Variants in ATRNL1 observed in about 807,000 individuals in gnomAD.
The protein encoded by ATRNL1 is attractin like 1.
A neutral mutation model predicts 182.7 loss-of-function variants in ATRNL1; 95 were observed. The observed-to-expected ratio is 0.52, with a 90% CI of 0.44 to 0.62. The LOEUF (loss-of-function observed/expected upper bound fraction) is 0.62. Ranked by LOEUF, ATRNL1 falls within the 20% of genes least tolerant of loss-of-function variation. The pLI is 0.00. For synonymous variants in ATRNL1, 576 were observed against 568.3 expected, an observed-to-expected ratio of 1.01 and a Z score of -0.19; for missense variants, 1,471 against 1,679.5, an observed-to-expected ratio of 0.88 and a Z score of 2.17.
intron 5 of ATRNL1, among the ~76,000 whole-genome samples, chr10:115,155,440 G>A (rs1442602573): frequency 1.3e-5 from 2 of 151,868 alleles, no homozygotes; most frequent in African/African-American, 4.8e-5. Context: ...ATTTTACTTA[G>A]AATCTCATTT....
At chr10:115,247,310 G>A (rs1850686033) in intron 10 of ATRNL1, among the ~76,000 whole-genome samples, 1 of 151,828 alleles carries the variant, frequency 6.6e-6, no homozygotes, top group African/African-American at 2.4e-5. Flanking sequence ...AATTCTCAAT[G>A]ATAAAAAAAA....
intron 5 of ATRNL1, among the ~76,000 whole-genome samples, chr10:115,157,792 A>G (rs1434096559): frequency 1.3e-5 from 2 of 152,140 alleles, no homozygotes; most frequent in African/African-American, 4.8e-5. Flanking sequence ...CTGGTGGTTA[A>G]GACCTGGATA....
At chr10:115,453,690 C>T (rs924204800) in intron 21 of ATRNL1, among the ~76,000 whole-genome samples, 2 of 150,880 alleles carry the variant, frequency 1.3e-5, no homozygotes, top group East Asian at 2.0e-4. Flanking sequence ...AGTAAACTAT[C>T]GCGAGGACAA....
At chr10:115,688,969 T>G (rs1946306954) in intron 26 of ATRNL1, among the ~76,000 whole-genome samples, 2 of 152,194 alleles carry the variant, frequency 1.3e-5, no homozygotes, top group Non-Finnish European at 2.9e-5. Context: ...TTGAGTTTAC[T>G]TTTGTGTATG....
intron 8 of ATRNL1, among the ~76,000 whole-genome samples, chr10:115,187,649 A>G (rs1432912592): frequency 6.8e-6 from 1 of 147,956 alleles, no homozygotes; most frequent in Non-Finnish European, 1.5e-5. Context: ...ATGGTTATGT[A>G]TAATAGAAAG....
intron 9 of ATRNL1, 99 bp from the exon 10 acceptor site, chr10:115,241,472 G>A (rs1850419069): frequency 1.5e-6 from 1 of 676,104 alleles, no homozygotes; most frequent in African/African-American, 1.8e-5. Context: ...ACAATTCCAG[G>A]GAAACCTCTA....
At chr10:115,932,564 T>G (rs1415721622) in intron 28 of ATRNL1, among the ~76,000 whole-genome samples, 1 of 152,200 alleles carries the variant, frequency 6.6e-6, no homozygotes, top group Non-Finnish European at 1.5e-5. Context: ...AAGTGAGTGT[T>G]TGCATAATTT....
intron 26 of ATRNL1, among the ~76,000 whole-genome samples, chr10:115,607,178 A>G (rs1856916694): frequency 6.6e-6 from 1 of 151,952 alleles, no homozygotes; most frequent in South Asian, 2.1e-4. Context: ...ATGTATATTA[A>G]AATTTAAAGA....
At chr10:115,553,531 A>G (rs1853125923) in intron 26 of ATRNL1, among the ~76,000 whole-genome samples, 1 of 151,414 alleles carries the variant, frequency 6.6e-6, no homozygotes, top group Admixed American at 6.6e-5. Flanking sequence ...TTTGGAGGAT[A>G]AGACATGCCC....
intron 26 of ATRNL1, among the ~76,000 whole-genome samples, chr10:115,624,273 T>A (rs1312286582): frequency 8.5e-5 from 13 of 152,056 alleles, no homozygotes; most frequent in South Asian, 4.1e-4. Flanking sequence ...TAATTATGCC[T>A]CCTAAAATAC....
intron 26 of ATRNL1, among the ~76,000 whole-genome samples, chr10:115,563,815 A>T (rs1853911010): frequency 6.6e-6 from 1 of 152,236 alleles, no homozygotes; most frequent in East Asian, 1.9e-4. Context: ...AATAGGTAAT[A>T]TATTGAATGA....
At chr10:115,861,286 C>T (rs1300173683) in intron 28 of ATRNL1, among the ~76,000 whole-genome samples, 2 of 152,106 alleles carry the variant, frequency 1.3e-5, no homozygotes, top group Admixed American at 1.3e-4. Context: ...TGTCTCCGTC[C>T]CACCCAGGCG....
At chr10:115,566,541 A>G (rs1229941465) in intron 26 of ATRNL1, among the ~76,000 whole-genome samples, 3 of 152,166 alleles carry the variant, frequency 2.0e-5, no homozygotes, top group Non-Finnish European at 4.4e-5. Flanking sequence ...ATCTAATTAA[A>G]ATGCACTATT....
rs71010016 is a variant in ATRNL1, at chr10:115,350,346, G to GAAAAAAAAA, written c.3175+15937_3175+15945dup. On this transcript the variant is annotated intron_variant, in intron 19 of 28. Transcript: ENST00000355044. ...CAAGACTCTGTCTCAAAAAAAAAAA[G>GAAAAAAAAA]AAAAAAAAAAAAAAAAAAGAATTTC... 1.2e-4 allele frequency among the ~76,000 whole-genome samples: 8 copies of GAAAAAAAAA among 66,376 alleles called. 2 individuals carry two copies. Among genetic ancestry groups the GAAAAAAAAA allele is most frequent in the African/African-American group, 1.2e-4 (2 of 16,618 alleles). 43.5% of individuals were successfully genotyped at this position (66,376 alleles called of 152,430 possible).
rs547922016 is a variant in ATRNL1 at position 115,831,316 on chromosome 10, C to A, written c.3904-16561C>A. ...TTGTATGTGTTTCCCTTTAATCTCT[C>A]AATCTTACATCTTTCATATTTGCAA... On this transcript the variant is annotated intron_variant, in intron 27 of 28. Transcript: ENST00000355044. Among the ~76,000 whole-genome samples, 4 of 152,300 alleles carry A rather than the reference C, an allele frequency of 2.6e-5. No individual in the cohort carries two copies. In the East Asian group the frequency reaches 7.7e-4, roughly 29 times the overall value.
At chr10:115,162,582 C>T (rs781943040) in intron 6 of ATRNL1, among the ~76,000 whole-genome samples, 1 of 151,060 alleles carries the variant, frequency 6.6e-6, no homozygotes, top group African/African-American at 2.4e-5. Flanking sequence ...TGTGTTGATC[C>T]ATATTTTAAA....
chr10:115,931,467 G>C (rs1555121611), intron 28 of ATRNL1, among the ~76,000 whole-genome samples: 1 of 152,124 alleles, frequency 6.6e-6, no homozygotes, highest in African/African-American at 2.4e-5. Context: ...GAGACAGCTG[G>C]ATGGTGAACT....
chr10:115,300,930 T>C (rs1853437983), intron 16 of ATRNL1, among the ~76,000 whole-genome samples: 1 of 152,160 alleles, frequency 6.6e-6, no homozygotes, highest in Admixed American at 6.5e-5. Flanking sequence ...TAGCAACTAC[T>C]GTTCTACTTT....
intron 24 of ATRNL1, among the ~76,000 whole-genome samples, chr10:115,507,042 A>G (rs1253977266): frequency 1.3e-5 from 2 of 152,124 alleles, no homozygotes; most frequent in Non-Finnish European, 2.9e-5. Flanking sequence ...ATTAACATAC[A>G]TAAGATGAAC....
Sources: gnomAD v4.1 joint callset for allele counts (sites outside exome capture counted in the v4.1 genomes callset) on GRCh38, gnomAD v4.1.1 for gene constraint, MANE v1.5 for transcripts, NCBI Gene and HGNC (gene_info 2026-07-23, HGNC 2026-07-21) for gene names.